SPTBN1: variants seen among roughly 807,000 people sequenced by gnomAD.
SPTBN1 encodes spectrin beta, non-erythrocytic 1.
A neutral mutation model predicts 266.4 loss-of-function variants in SPTBN1; 32 were observed. That is an observed-to-expected ratio of 0.12 (90% CI 0.09 to 0.16). SPTBN1 has a LOEUF of 0.16. Among genes scored for constraint, SPTBN1 ranks in the 10% least tolerant of loss-of-function variants. The pLI, the probability that SPTBN1 is intolerant of heterozygous loss-of-function variation, is 1.00. For synonymous variants in SPTBN1, 1,336 were observed against 1,162.2 expected, an observed-to-expected ratio of 1.15 and a Z score of -3.04; for missense variants, 2,296 against 3,067.1, an observed-to-expected ratio of 0.75 and a Z score of 5.94.
intron 29 of SPTBN1, among the ~76,000 whole-genome samples, chr2:54,657,056 C>T (rs1404234491): frequency 6.6e-6 from 1 of 152,210 alleles, no homozygotes; most frequent in Non-Finnish European, 1.5e-5. Context: ...CATTTTTTAC[C>T]TCAATGATCC....
intron 1 of SPTBN1, among the ~76,000 whole-genome samples, chr2:54,497,907 C>G (rs990764049): frequency 6.6e-6 from 1 of 152,136 alleles, no homozygotes; most frequent in Non-Finnish European, 1.5e-5. Flanking sequence ...CCAGTAACCT[C>G]ACAGCCGGAG....
intron 18 of SPTBN1, among the ~76,000 whole-genome samples, chr2:54,640,795 A>C (rs1679480110): frequency 6.6e-6 from 1 of 152,080 alleles, no homozygotes; most frequent in South Asian, 2.1e-4. Flanking sequence ...CAAGTGACCC[A>C]CCCGCCTTGG....
chr2:54,600,025 G>A (rs1160855174), intron 3 of SPTBN1, among the ~76,000 whole-genome samples: 10 of 152,296 alleles, frequency 6.6e-5, no homozygotes, highest in South Asian at 4.1e-4. Flanking sequence ...AGAAGCCAAC[G>A]CCCAGAATGG....
intron 3 of SPTBN1, among the ~76,000 whole-genome samples, chr2:54,604,718 G>GA (rs1470677019): frequency 6.6e-6 from 1 of 152,184 alleles, no homozygotes; most frequent in African/African-American, 2.4e-5. Context: ...CTGGGATGGA[G>GA]ATATGGCTGG....
rs1671414382 is a variant in SPTBN1, at chr2:54,533,813, A to C, written c.148+7247A>C. ...TGATCCGCCCGCCTTGGCCTCCCAA[A>C]GTGCTGGGATTACAGGCGTGAGCCT... On this transcript the variant is annotated intron_variant, in intron 2 of 35. Coordinates refer to ENST00000356805, the MANE Select transcript of SPTBN1 (RefSeq NM_003128.3). The surrounding 1 kb of genome is among the most constrained non-coding windows in gnomAD (Gnocchi z 4.2). 6.6e-6 allele frequency among the ~76,000 whole-genome samples: 1 copy of C among 152,146 alleles called. No homozygotes were observed. Among genetic ancestry groups the C allele is most frequent in the Non-Finnish European group, 1.5e-5 (1 of 68,028 alleles).
Position 54,630,047 on chromosome 2 carries a change from A to G in SPTBN1, c.2807+18A>G. The G allele has an allele frequency of 1.9e-6, 3 of 1,610,828 alleles. 1 individual carries two copies. The highest frequency in any genetic ancestry group is 2.2e-5 in the South Asian group (2 of 90,664). ...AACACAAGGTGAGCACGTGGCCAGC[A>G]GTGTGCCAGCCTCCCACGTGTGGGA... On this transcript the variant is annotated intron_variant, in intron 15 of 35. Transcript: ENST00000356805.
chr2:54,607,669 G>A (rs1676936246), intron 3 of SPTBN1, among the ~76,000 whole-genome samples: 1 of 152,114 alleles, frequency 6.6e-6, no homozygotes, highest in Non-Finnish European at 1.5e-5. Context: ...ATGTGCATAG[G>A]TTATATCAAA....
At chr2:54,528,597 G>C (rs1383532815) in intron 2 of SPTBN1, 1 of 152,070 alleles carries the variant, frequency 6.6e-6, no homozygotes, top group East Asian at 1.9e-4. Context: ...GATAAAACAG[G>C]TTCCAGAGAG....
chr2:54,553,157 G>A lies in SPTBN1; in HGVS notation c.148+26591G>A, dbSNP rs1057032099. The stretch of plus-strand genomic sequence containing the variant: ...GCTTGGTTAGTTGGTTGAGTTTTCT[G>A]GTTAGTGGGGAAATTTCCATTGAAA... On this transcript the variant is annotated intron_variant, in intron 2 of 35. Coordinates refer to ENST00000356805, the MANE Select transcript of SPTBN1 (RefSeq NM_003128.3). 1.1e-4 allele frequency among the ~76,000 whole-genome samples: 17 copies of A among 152,300 alleles called. No homozygotes were observed. The East Asian group carries it at 3.3e-3, about 29-fold the overall frequency.
intron 16 of SPTBN1, among the ~76,000 whole-genome samples, chr2:54,632,332 T>A (rs1416797749): frequency 6.6e-6 from 1 of 152,156 alleles, no homozygotes; most frequent in South Asian, 2.1e-4. Context: ...TTTGGTTCCT[T>A]TCCTCACTCT....
rs539200357 is a variant in SPTBN1 at position 54,485,243 on chromosome 2, C to T, written c.-48+28725C>T. Among the ~76,000 whole-genome samples, 5 of 151,472 alleles carry T rather than the reference C, an allele frequency of 3.3e-5. No individual in the cohort carries two copies. The East Asian group carries it at 5.9e-4, about 18-fold the overall frequency. ...CCATGGTCTCCCTCTGATGCCAAGC[C>T]GAAGCTGGACTGTACTGCTCCCATC... On this transcript the variant is annotated intron_variant, in intron 1 of 35. Transcript: ENST00000356805.
At position 54,456,417 on chromosome 2, in the gene SPTBN1, A is replaced by G. The variant is rs1054071961; in HGVS notation, c.-149A>G. On this transcript the variant is annotated 5_prime_UTR_variant, in exon 1 of 36. Coordinates refer to ENST00000356805, the MANE Select transcript of SPTBN1 (RefSeq NM_003128.3). ...GTCCCGTCCTGTGAGCCCCGGCCCCAGCCGCGGACAGACCCGCGGAGTCGC... is the reference window on the plus strand; with the variant it reads ...GTCCCGTCCTGTGAGCCCCGGCCCCGGCCGCGGACAGACCCGCGGAGTCGC... 6.6e-6 allele frequency: 1 copy of G among 152,058 alleles called. No individual in the cohort carries two copies. The highest frequency in any genetic ancestry group is 1.5e-5 in the Non-Finnish European group (1 of 68,068). The allele number at this position is 152,058 out of a possible 1,614,324, so 9.4% of individuals were successfully genotyped here.
chr2:54,487,467 T>G (rs1327124376), intron 1 of SPTBN1, among the ~76,000 whole-genome samples: 1 of 152,034 alleles, frequency 6.6e-6, no homozygotes. Context: ...AGATCTATTT[T>G]GCATATTTGC....
At chr2:54,520,479 T>G (rs1353163390) in intron 1 of SPTBN1, 1 of 152,140 alleles carries the variant, frequency 6.6e-6, no homozygotes, top group East Asian at 1.9e-4. Flanking sequence ...TTTGAAGAAA[T>G]GAATTTAGTG....
chr2:54,629,948 A>G lies in SPTBN1; in HGVS notation c.2726A>G (p.Asn909Ser), dbSNP rs1368435469. The G allele has an allele frequency of 6.2e-7, 1 of 1,614,016 alleles. No homozygotes were observed. ...NNQASRVAVV[N>S]QIARQLMHSG... The stretch of plus-strand genomic sequence containing the variant: ...CAGGCTTCCCGGGTTGCAGTGGTGA[A>G]CCAGATTGCACGCCAGCTGATGCAC... Residue 909 changes from asparagine (N) to serine (S), a missense_variant, in exon 15 of 36, where the codon AAC (asparagine) becomes AGC (serine). Transcript: ENST00000356805.
At chr2:54,593,890 G>A (rs1573488548) in intron 2 of SPTBN1, among the ~76,000 whole-genome samples, 1 of 143,974 alleles carries the variant, frequency 6.9e-6, no homozygotes, top group African/African-American at 2.6e-5. Context: ...CTGGAGTGCG[G>A]TGGCATGATC....
rs549126361 is a variant in SPTBN1, at chr2:54,669,817, A to G, written c.*1248A>G. The G allele has an allele frequency of 2.8e-4, 42 of 152,380 alleles. No homozygotes were observed. Among genetic ancestry groups the G allele is most frequent in the Admixed American group, 1.2e-3 (18 of 15,298 alleles). 9.4% of individuals were successfully genotyped at this position (152,380 alleles called of 1,614,324 possible). On this transcript the variant is annotated 3_prime_UTR_variant, in exon 36 of 36. Coordinates refer to ENST00000356805, the MANE Select transcript of SPTBN1 (RefSeq NM_003128.3). Reference sequence around the variant, plus strand: ...ATTTTTTATGCATGTCTGGTGCACAAGCTTTGAAAACTACAGCAAACAGTA... The same window carrying G: ...ATTTTTTATGCATGTCTGGTGCACAGGCTTTGAAAACTACAGCAAACAGTA...
chr2:54,498,622 T>C (rs1469841274), intron 1 of SPTBN1, among the ~76,000 whole-genome samples: 1 of 152,224 alleles, frequency 6.6e-6, no homozygotes, highest in Non-Finnish European at 1.5e-5. Flanking sequence ...CAGTGTTTCC[T>C]AAATAACGCA....
chr2:54,594,833 CTTTTTT>C lies in SPTBN1; in HGVS notation c.149-4246_149-4241del, dbSNP rs71408777. Reference sequence around the variant, plus strand: ...GATTCCATGACCCTCTGGTAAGTTTCTTTTTTTTTTTTTTTTTTGAGACAGAGTTTC... The same window carrying C: ...GATTCCATGACCCTCTGGTAAGTTTCTTTTTTTTTTTTGAGACAGAGTTTC... On this transcript the variant is annotated intron_variant, in intron 2 of 35. Coordinates refer to ENST00000356805, the MANE Select transcript of SPTBN1 (RefSeq NM_003128.3). Among the ~76,000 whole-genome samples, 4 of 104,716 alleles carry C rather than the reference CTTTTTT, an allele frequency of 3.8e-5. 1 individual carries two copies. Among genetic ancestry groups the C allele is most frequent in the African/African-American group, 2.0e-4 (4 of 19,754 alleles). 68.7% of individuals were successfully genotyped at this position (104,716 alleles called of 152,430 possible).
Sources: allele counts gnomAD v4.1 joint callset (sites outside exome capture counted in the v4.1 genomes callset), GRCh38; gene constraint gnomAD v4.1.1; non-coding constraint Gnocchi (gnomAD v3.1); transcripts MANE v1.5; gene names NCBI Gene and HGNC (gene_info 2026-07-23, HGNC 2026-07-21).